The following COG4 variants were observed in gnomAD, a reference collection of about 807,000 sequenced individuals.
COG4 encodes conserved oligomeric Golgi complex subunit 4.
In COG4, 65 loss-of-function variants were observed where a neutral mutation model predicts 95.1. The ratio of observed to expected loss-of-function variants is 0.68; its 90% CI spans 0.56 to 0.84. The LOEUF is 0.84. Among genes scored for constraint, COG4 ranks in the 40% least tolerant of loss-of-function variants. The probability of loss-of-function intolerance (pLI) is 0.00; values close to 1 mark genes in which losing one functional copy is unlikely to be tolerated. For synonymous variants in COG4, 421 were observed against 374.8 expected (o/e 1.12, Z -1.42); for missense variants, 1,045 against 989.1 (o/e 1.06, Z -0.76).
At position 70,481,694 on chromosome 16, in the gene COG4, G is replaced by C. The variant is rs189518292; in HGVS notation, c.2106+70C>G. The C allele has an allele frequency of 6.3e-4, 902 of 1,426,436 alleles. 13 individuals are homozygous for C. The East Asian group carries it at 0.018, about 28-fold the overall frequency. 88.4% of individuals were successfully genotyped at this position (1,426,436 alleles called of 1,614,324 possible). A position where few individuals can be genotyped will look rare whatever the true frequency, so the allele number is the denominator to read the frequency against. The stretch of plus-strand genomic sequence containing the variant: ...CAGACAGAGGGGATGCAAGTCCTGG[G>C]GGTGGTGGCATGACATGTCTTCCTC... On this transcript the variant is annotated intron_variant, in intron 17 of 18. Coordinates refer to ENST00000323786, the MANE Select transcript of COG4 (RefSeq NM_015386.3).
In COG4 at chr16:70,514,487, T is replaced by C. The variant is rs758722623; in HGVS notation, c.392A>G (p.Gln131Arg). 6.2e-7 allele frequency: 1 copy of C among 1,614,064 alleles called. No individual in the cohort carries two copies. The highest frequency in any genetic ancestry group is 1.3e-5 in the African/African-American group (1 of 74,930). ...CAGGTCCAAGATGTCATCAGCTCTC[T>C]GAATGGCCTGATAGAGGCGGTTCTG... Reference protein sequence around the residue: ...LAKNRLYQAIQRADDILDLKF... With the variant: ...LAKNRLYQAIRRADDILDLKF... Residue 131 changes from glutamine to arginine, a missense_variant, in exon 4 of 19, where the codon CAG (glutamine) becomes CGG (arginine). Gln to Arg is a conservative substitution (Grantham distance 43). Transcript: ENST00000323786.
chr16:70,512,823 G>C (rs1051947551), intron 4 of COG4, among the ~76,000 whole-genome samples: 1 of 152,096 alleles, frequency 6.6e-6, no homozygotes, highest in East Asian at 1.9e-4. Context: ...ACTAAAAATA[G>C]AAAAATTAGC....
Position 70,481,507 on chromosome 16 carries a change from C to T in COG4, c.2107-20G>A. 6.2e-7 allele frequency: 1 copy of T among 1,610,596 alleles called. No homozygotes were observed. The highest frequency in any genetic ancestry group is 8.5e-7 in the Non-Finnish European group (1 of 1,179,984). On this transcript the variant is annotated intron_variant, in intron 17 of 18. Transcript: ENST00000323786. ...ACCCAGCTGCAGGAGAACCCAAGCC[C>T]AGTCACTACTTAGGCCTGGCCAAGC...
In COG4 at chr16:70,496,443, G is replaced by A. The variant is rs1445427214; in HGVS notation, c.1482-12C>T. 6.2e-7 allele frequency: 1 copy of A among 1,613,946 alleles called. No homozygotes were observed. Among genetic ancestry groups the A allele is most frequent in the African/African-American group, 1.3e-5 (1 of 74,902 alleles). The stretch of plus-strand genomic sequence containing the variant: ...TACACAGAACATCCCTGGGGGGCAG[G>A]ATTGCATAGAGGAATTGACAGTGCT... On this transcript the variant is annotated splice_polypyrimidine_tract_variant and intron_variant, in intron 11 of 18. Coordinates refer to ENST00000323786, the MANE Select transcript of COG4 (RefSeq NM_015386.3).
chr16:70,504,718 T>G (rs1277637872), intron 8 of COG4, among the ~76,000 whole-genome samples: 1 of 151,680 alleles, frequency 6.6e-6, no homozygotes, highest in African/African-American at 2.4e-5. Context: ...GAGACCAGCC[T>G]GGCCAAGATG....
At chr16:70,498,096 C>G (rs771930116) in intron 9 of COG4, 41 bp from the exon 10 acceptor site, 40 of 1,329,932 alleles carry the variant, frequency 3.0e-5, no homozygotes, top group Non-Finnish European at 4.2e-5. Flanking sequence ...TTTTTTTCCC[C>G]AAGGGAAACA....
At chr16:70,519,043 A>T (rs1354061392) in intron 2 of COG4, among the ~76,000 whole-genome samples, 2 of 151,524 alleles carry the variant, frequency 1.3e-5, no homozygotes, top group Non-Finnish European at 2.9e-5. Flanking sequence ...TAGGCTTGTC[A>T]AAACACATCT....
intron 10 of COG4, 103 bp downstream of exon 10, chr16:70,497,834 T>C: frequency 1.2e-6 from 1 of 800,068 alleles, no homozygotes. Flanking sequence ...GCAAGAGTAT[T>C]CTCAAAGCAG....
chr16:70,510,021 C>T lies in COG4; in HGVS notation c.739G>A (p.Val247Met), dbSNP rs759918519. 2 of 1,613,108 alleles carry T rather than the reference C, an allele frequency of 1.2e-6. No individual in the cohort carries two copies. Among genetic ancestry groups the T allele is most frequent in the South Asian group, 2.2e-5 (2 of 91,050 alleles). ...AGATTCTCCTCAGCTTTACTGGCCA[C>T]CTAAAAAAGGAGAAAACCCACACAC... ...RKFSEYLCKQ[V>M]ASKAEENLLM... The change falls in exon 6 of 19, where the codon GTG becomes ATG. Residue 247 changes from valine (V) to methionine (M), a missense_variant and splice_region_variant. Coordinates refer to ENST00000323786, the MANE Select transcript of COG4 (RefSeq NM_015386.3).
intron 13 of COG4, among the ~76,000 whole-genome samples, chr16:70,486,175 G>T (rs528995594): frequency 5.3e-5 from 8 of 152,204 alleles, no homozygotes; most frequent in Admixed American, 1.3e-4. Flanking sequence ...GATTACAGGC[G>T]TGAGCCACCG....
At chr16:70,481,999 G>C (rs1483802814) in intron 16 of COG4, 93 bp downstream of exon 16, 1 of 1,362,902 alleles carries the variant, frequency 7.3e-7, no homozygotes, top group African/African-American at 1.4e-5. Context: ...GGGCTTTCAG[G>C]GTCCCCAGAA....
intron 15 of COG4, chr16:70,482,476 C>CT: frequency 1.7e-6 from 1 of 605,756 alleles, no homozygotes; most frequent in Non-Finnish European, 2.9e-6. Flanking sequence ...GCTTCTAAGT[C>CT]TATCATAGGC....
chr16:70,488,608 C>T lies in COG4; in HGVS notation c.1710+1722G>A, dbSNP rs370017099. Among the ~76,000 whole-genome samples the T allele has an allele frequency of 9.2e-5, 14 of 151,938 alleles. No individual in the cohort carries two copies. In the South Asian group the frequency reaches 1.0e-3, roughly 11 times the overall value. On this transcript the variant is annotated intron_variant, in intron 13 of 18. Transcript: ENST00000323786. ...TGTTGCCCAGGCTGGAGTGCAGTGA[C>T]GCAATCTCGGCTCACTGCAACCTCC...
At position 70,484,890 on chromosome 16, in the gene COG4, A is replaced by G. The variant is rs2049095601; in HGVS notation, c.1711-921T>C. 2.0e-5 allele frequency among the ~76,000 whole-genome samples: 3 copies of G among 152,152 alleles called. No individual in the cohort carries two copies. The South Asian group carries it at 6.2e-4, about 32-fold the overall frequency. On this transcript the variant is annotated intron_variant, in intron 13 of 18. Coordinates refer to ENST00000323786, the MANE Select transcript of COG4 (RefSeq NM_015386.3). ...CCAGCCCGGGCAGCAGAGTGAGAAC[A>G]AAGTACCTATTCTACTTAAAAACAA...
chr16:70,482,868 ATCCCT>A, intron 14 of COG4, 47 bp from the exon 15 acceptor site: 1 of 1,418,814 alleles, frequency 7.0e-7, no homozygotes, highest in South Asian at 1.2e-5. Context: ...GGCACGACTC[ATCCCT>A]TCCCTCTCTC....
At chr16:70,482,876 C>CCT (rs1159130680) in intron 14 of COG4, 55 bp from the exon 15 acceptor site, 3 of 1,329,690 alleles carry the variant, frequency 2.3e-6, no homozygotes, top group Non-Finnish European at 3.2e-6. Flanking sequence ...TCATCCCTTC[C>CCT]CTCTCTCTTC....
chr16:70,499,723 G>T (rs1427073805), intron 9 of COG4, among the ~76,000 whole-genome samples: 2 of 152,064 alleles, frequency 1.3e-5, no homozygotes, highest in Non-Finnish European at 2.9e-5. Context: ...GCAGTGGCGC[G>T]ATCTTGGCTC....
intron 5 of COG4, among the ~76,000 whole-genome samples, chr16:70,511,994 C>T (rs916700807): frequency 2.0e-5 from 3 of 151,316 alleles, no homozygotes; most frequent in African/African-American, 7.4e-5. Context: ...CACATGCTTT[C>T]GCCTGGTCTG....
intron 3 of COG4, among the ~76,000 whole-genome samples, chr16:70,514,826 C>A (rs2049789270): frequency 6.6e-6 from 1 of 150,758 alleles, no homozygotes; most frequent in South Asian, 2.1e-4. Context: ...CTATCCTCCA[C>A]CTCAGCCTCC....
Sources: gnomAD v4.1 joint callset for allele counts (sites outside exome capture counted in the v4.1 genomes callset) on GRCh38, gnomAD v4.1.1 for gene constraint, MANE v1.5 for transcripts, NCBI Gene and HGNC (gene_info 2026-07-23, HGNC 2026-07-21) for gene names.